Variants in NLGN4X observed in about 807,000 individuals in gnomAD.
The protein encoded by NLGN4X is neuroligin 4 X-linked.
A neutral mutation model predicts 40.3 loss-of-function variants in NLGN4X; 3 were observed. The observed-to-expected ratio is 0.07, with a 90% CI of 0.03 to 0.19. The LOEUF (loss-of-function observed/expected upper bound fraction) is 0.19. NLGN4X is among the 10% of genes least tolerant of loss of function. NLGN4X has a pLI of 1.00. For synonymous variants in NLGN4X, 270 were observed against 306.8 expected, an observed-to-expected ratio of 0.88 and a Z score of 1.25; for missense variants, 382 against 708.3, an observed-to-expected ratio of 0.54 and a Z score of 5.23.
chrX:5,898,605 C>T (rs1202236119), intron 5 of NLGN4X, among the ~76,000 whole-genome samples: 6 of 110,977 alleles, frequency 5.4e-5, no homozygotes, highest in Non-Finnish European at 1.1e-4. Context: ...CTTGACTTAA[C>T]GCCCACTGAG....
intron 2 of NLGN4X, among the ~76,000 whole-genome samples, chrX:6,087,448 T>C (rs2038525562): frequency 1.8e-5 from 2 of 112,240 alleles, no homozygotes; most frequent in Non-Finnish European, 1.9e-5. Flanking sequence ...CTCTGTGTCC[T>C]CACATTTTGC....
chrX:6,227,450 TC>T (rs777167501), intron 1 of NLGN4X, among the ~76,000 whole-genome samples: 1 of 107,599 alleles, frequency 9.3e-6, no homozygotes, highest in Non-Finnish European at 1.9e-5. Context: ...TTCCAACTTT[TC>T]CGCTCCTTCG....
chrX:6,209,370 G>A (rs186291299), intron 1 of NLGN4X, among the ~76,000 whole-genome samples: 1 of 111,540 alleles, frequency 9.0e-6, no homozygotes. Flanking sequence ...ACTTGTGCCC[G>A]TTAAATTTAT....
chrX:5,950,099 C>T (rs1364683731), intron 3 of NLGN4X, among the ~76,000 whole-genome samples: 2 of 111,435 alleles, frequency 1.8e-5, no homozygotes, highest in African/African-American at 6.5e-5. Context: ...ATAATCAATG[C>T]CCGGAAATCA....
intron 1 of NLGN4X, among the ~76,000 whole-genome samples, chrX:6,187,947 A>G (rs1002119327): frequency 1.8e-5 from 2 of 112,781 alleles, no homozygotes; most frequent in South Asian, 7.3e-4. Context: ...TTTTAAAAAA[A>G]TTAAGTCGGG....
intron 5 of NLGN4X, among the ~76,000 whole-genome samples, chrX:5,900,585 TTTTTA>T (rs1212287128): frequency 0.032 from 1,589 of 49,848 alleles, 107 homozygotes; most frequent in East Asian, 0.085. Flanking sequence ...TTTTTTTTTT[TTTTTA>T]AAGATAAAGG....
intron 2 of NLGN4X, among the ~76,000 whole-genome samples, chrX:6,094,031 AC>A (rs1380262712): frequency 1.3e-4 from 15 of 112,062 alleles, no homozygotes; most frequent in Non-Finnish European, 2.3e-4. Flanking sequence ...GATTTGATAG[AC>A]AATTACATAA....
At chrX:6,056,644 G>A (rs775513784) in intron 2 of NLGN4X, among the ~76,000 whole-genome samples, 3 of 112,030 alleles carry the variant, frequency 2.7e-5, no homozygotes, top group Admixed American at 1.9e-4. Context: ...CCATTGCTTT[G>A]AGACCAAACA....
At chrX:6,212,406 C>G (rs1426824090) in intron 1 of NLGN4X, among the ~76,000 whole-genome samples, 2 of 111,066 alleles carry the variant, frequency 1.8e-5, no homozygotes, top group African/African-American at 6.5e-5. Context: ...TAAAACACAT[C>G]ATAAGGTTAA....
intron 3 of NLGN4X, among the ~76,000 whole-genome samples, chrX:5,963,445 T>C (rs1025374653): frequency 4.5e-5 from 5 of 111,961 alleles, no homozygotes; most frequent in Non-Finnish European, 9.4e-5. Context: ...AAGAAAAGTG[T>C]TGAAGGAATG....
intron 3 of NLGN4X, 52 bp from the exon 4 acceptor site, chrX:5,909,291 G>C (rs749937506): frequency 1.7e-6 from 2 of 1,145,618 alleles, no homozygotes; most frequent in South Asian, 1.8e-5. Context: ...AAGTGCATAC[G>C]TGTCTCTGCT....
chrX:5,962,943 A>T (rs1431613557), intron 3 of NLGN4X, among the ~76,000 whole-genome samples: 1 of 29,338 alleles, frequency 3.4e-5, no homozygotes, highest in Admixed American at 3.6e-4. Flanking sequence ...CCCCACCCCC[A>T]CCCCCAGACT....
intron 1 of NLGN4X, among the ~76,000 whole-genome samples, chrX:6,221,029 C>T (rs1011964914): frequency 3.6e-5 from 4 of 110,060 alleles, no homozygotes; most frequent in African/African-American, 6.6e-5. Context: ...TGAGCCACCA[C>T]GCCTGGCCAA....
intron 2 of NLGN4X, among the ~76,000 whole-genome samples, chrX:6,090,934 A>G (rs188676385): frequency 8.1e-4 from 90 of 110,734 alleles, no homozygotes; most frequent in Non-Finnish European, 1.5e-3. Flanking sequence ...GCCAAAGTTG[A>G]CAAATACTGT....
chrX:5,899,662 C>CT (rs1168088713), intron 5 of NLGN4X, among the ~76,000 whole-genome samples: 1 of 106,440 alleles, frequency 9.4e-6, no homozygotes, highest in African/African-American at 3.4e-5. Context: ...AACTAATTAA[C>CT]TTCCTTTATC....
chrX:5,899,234 G>A lies in NLGN4X; in HGVS notation c.1601+3843C>T, dbSNP rs767993845. Among the ~76,000 whole-genome samples the A allele has an allele frequency of 7.7e-4, 86 of 112,360 alleles. 1 individual carries two copies. The highest frequency in any genetic ancestry group is 1.4e-3 in the Non-Finnish European group (75 of 53,270). ...ATACACTCAGTGTTATTTCAGGGAT[G>A]TTTCCCATGGGCGGAAGAAACAAAA... is the stretch of plus-strand genomic sequence containing the variant. On this transcript the variant is annotated intron_variant, in intron 5 of 5. Coordinates refer to ENST00000381095, the MANE Select transcript of NLGN4X (RefSeq NM_181332.3).
chrX:5,963,531 A>T (rs1403575299), intron 3 of NLGN4X, among the ~76,000 whole-genome samples: 1 of 111,876 alleles, frequency 8.9e-6, no homozygotes, highest in African/African-American at 3.3e-5. Flanking sequence ...AGACCAAAAC[A>T]TCTCCTTCCC....
rs539870750 is a variant in NLGN4X at position 6,170,273 on chromosome X, T to C, written c.-305-18502A>G. 3.6e-5 allele frequency among the ~76,000 whole-genome samples: 4 copies of C among 111,654 alleles called. No homozygotes were observed. In the South Asian group the frequency reaches 1.5e-3, roughly 42 times the overall value. ...TGCACCCAGCTAGAGATTTTTAAAT[T>C]CAAGTAAGAATCTGAGCTACCTAGA... On this transcript the variant is annotated intron_variant, in intron 1 of 5. Coordinates refer to ENST00000381095, the MANE Select transcript of NLGN4X (RefSeq NM_181332.3).
chrX:5,930,469 A>T (rs2033508129), intron 3 of NLGN4X, among the ~76,000 whole-genome samples: 1 of 112,100 alleles, frequency 8.9e-6, no homozygotes. Context: ...TGCCTTTCAC[A>T]AGCCCTTGGT....
Sources: gnomAD v4.1 joint callset for allele counts (sites outside exome capture counted in the v4.1 genomes callset) on GRCh38, gnomAD v4.1.1 for gene constraint, MANE v1.5 for transcripts, NCBI Gene and HGNC (gene_info 2026-07-23, HGNC 2026-07-21) for gene names.